The following DNAJC1 variants were observed in gnomAD, a reference collection of about 807,000 sequenced individuals.
DNAJC1 encodes the protein dnaJ homolog subfamily C member 1.
A neutral mutation model predicts 76.6 loss-of-function variants in DNAJC1; 58 were observed. That is an observed-to-expected ratio of 0.76 (90% CI 0.61 to 0.94). The LOEUF is 0.94. Ranked by LOEUF, DNAJC1 falls within the 40% of genes least tolerant of loss-of-function variation. The pLI, the probability that DNAJC1 is intolerant of heterozygous loss-of-function variation, is 0.00. For missense variants in DNAJC1, 689 were observed against 677.3 expected (o/e 1.02, Z -0.19); for synonymous variants, 258 against 267.9 (o/e 0.96, Z 0.36).
intron 1 of DNAJC1, among the ~76,000 whole-genome samples, chr10:21,935,377 G>C (rs1050304423): frequency 6.6e-6 from 1 of 152,154 alleles, no homozygotes; most frequent in South Asian, 2.1e-4. Context: ...CAGCAGGCTT[G>C]AGTAGGCAGA....
intron 8 of DNAJC1, among the ~76,000 whole-genome samples, chr10:21,864,601 G>A (rs1376516373): frequency 1.4e-5 from 2 of 143,640 alleles, no homozygotes; most frequent in African/African-American, 2.7e-5. Flanking sequence ...CAGCCTGGGC[G>A]ACAGAGTGAG....
chr10:21,803,453 T>C (rs1329013288), intron 9 of DNAJC1, among the ~76,000 whole-genome samples: 1 of 152,160 alleles, frequency 6.6e-6, no homozygotes, highest in Non-Finnish European at 1.5e-5. Flanking sequence ...TTTTAAAGTG[T>C]GGTTAACTTT....
chr10:21,988,819 G>A (rs1233754353), intron 1 of DNAJC1, among the ~76,000 whole-genome samples: 2 of 152,140 alleles, frequency 1.3e-5, no homozygotes, highest in East Asian at 3.9e-4. Flanking sequence ...TTTAACTTTA[G>A]GAGGATTAAT....
intron 1 of DNAJC1, among the ~76,000 whole-genome samples, chr10:21,976,311 T>C (rs918084988): frequency 2.0e-5 from 3 of 152,204 alleles, no homozygotes; most frequent in African/African-American, 7.2e-5. Flanking sequence ...GAACATATTG[T>C]AAAATGTTGG....
chr10:21,883,741 T>C (rs1012309562), intron 7 of DNAJC1, among the ~76,000 whole-genome samples: 1 of 152,194 alleles, frequency 6.6e-6, no homozygotes, highest in Admixed American at 6.5e-5. Flanking sequence ...AGCTGCAGTT[T>C]GCTGCTGTTA....
intron 8 of DNAJC1, among the ~76,000 whole-genome samples, chr10:21,832,491 A>G (rs1458120477): frequency 6.6e-6 from 1 of 152,194 alleles, no homozygotes; most frequent in Admixed American, 6.5e-5. Flanking sequence ...TCTCTCTGCC[A>G]AACTATCACC....
chr10:21,977,263 C>T (rs1838081735), intron 1 of DNAJC1, among the ~76,000 whole-genome samples: 1 of 152,048 alleles, frequency 6.6e-6, no homozygotes, highest in Admixed American at 6.6e-5. Context: ...GAAAAAAACA[C>T]ACACACACAC....
At chr10:21,814,826 C>T (rs907067129) in intron 8 of DNAJC1, among the ~76,000 whole-genome samples, 2 of 152,154 alleles carry the variant, frequency 1.3e-5, no homozygotes, top group East Asian at 3.8e-4. Context: ...AAAGTAACCT[C>T]ACAGAAAATG....
intron 8 of DNAJC1, among the ~76,000 whole-genome samples, chr10:21,875,349 T>C (rs544531418): frequency 1.3e-5 from 2 of 152,252 alleles, no homozygotes; most frequent in South Asian, 4.1e-4. Context: ...AGAGATGCAG[T>C]CTTCCTAGGT....
chr10:21,837,528 G>A lies in DNAJC1; in HGVS notation c.979-31429C>T, dbSNP rs575823594. 4.0e-3 allele frequency among the ~76,000 whole-genome samples: 599 copies of A among 150,452 alleles called. 5 individuals carry two copies. Among genetic ancestry groups the A allele is most frequent in the African/African-American group, 0.014 (553 of 40,704 alleles). On this transcript the variant is annotated intron_variant, in intron 8 of 11. Coordinates refer to ENST00000376980, the MANE Select transcript of DNAJC1 (RefSeq NM_022365.4). Reference sequence around the variant, plus strand: ...GGGAGCGCCTCTGCCCCACTGCCCCGTCTGGGATGTGAGGTGCGCCTCTGC... The same window carrying A: ...GGGAGCGCCTCTGCCCCACTGCCCCATCTGGGATGTGAGGTGCGCCTCTGC...
intron 11 of DNAJC1, among the ~76,000 whole-genome samples, chr10:21,758,425 C>T (rs1024969050): frequency 4.6e-5 from 7 of 152,226 alleles, no homozygotes; most frequent in Non-Finnish European, 1.0e-4. Flanking sequence ...AAAGAGGCCG[C>T]CCAAGCCCGG....
At chr10:21,871,288 G>T (rs1170246634) in intron 8 of DNAJC1, among the ~76,000 whole-genome samples, 1 of 149,668 alleles carries the variant, frequency 6.7e-6, no homozygotes, top group African/African-American at 2.5e-5. Context: ...AAAGTTCTGA[G>T]AAGGCGCTAA....
intron 8 of DNAJC1, among the ~76,000 whole-genome samples, chr10:21,827,054 A>G (rs1236113353): frequency 6.6e-6 from 1 of 152,118 alleles, no homozygotes; most frequent in Non-Finnish European, 1.5e-5. Flanking sequence ...TGTCATTTTA[A>G]TAACATTAAG....
chr10:21,804,220 G>C (rs1407696622), intron 9 of DNAJC1, among the ~76,000 whole-genome samples: 1 of 151,894 alleles, frequency 6.6e-6, no homozygotes. Flanking sequence ...GCTTTACTCA[G>C]TTTCCTATCT....
At chr10:21,868,076 C>CAAAAAAAAAA (rs775127374) in intron 8 of DNAJC1, among the ~76,000 whole-genome samples, 3 of 21,180 alleles carry the variant, frequency 1.4e-4, no homozygotes, top group Non-Finnish European at 2.9e-4. Flanking sequence ...ATTCTGTCTC[C>CAAAAAAAAAA]AAAAAAAAAA....
intron 8 of DNAJC1, among the ~76,000 whole-genome samples, chr10:21,857,216 G>T (rs544098221): frequency 1.3e-5 from 2 of 152,280 alleles, no homozygotes; most frequent in South Asian, 4.1e-4. Flanking sequence ...AATGAAGAGG[G>T]TTTGGCATAA....
chr10:21,897,313 C>T (rs952241416), intron 7 of DNAJC1, among the ~76,000 whole-genome samples: 23 of 152,028 alleles, frequency 1.5e-4, no homozygotes, highest in African/African-American at 5.3e-4. Context: ...TGTAATATAT[C>T]GTATTAATAC....
At chr10:21,899,645 T>C (rs1836612997) in intron 7 of DNAJC1, among the ~76,000 whole-genome samples, 1 of 152,184 alleles carries the variant, frequency 6.6e-6, no homozygotes, top group African/African-American at 2.4e-5. Context: ...GACCTCCCTG[T>C]GGGGGCTTCA....
At position 21,915,843 on chromosome 10, in the gene DNAJC1, C is replaced by A. The variant is rs547658700; in HGVS notation, c.729+2936G>T. On this transcript the variant is annotated intron_variant, in intron 6 of 11. Transcript: ENST00000376980. ...TGTCCCACCTAGGGTACCCCCATCT[C>A]CCAAAAAAAAAAAAAAAAGTCTGGC... Among the ~76,000 whole-genome samples the A allele has an allele frequency of 4.0e-5, 6 of 149,682 alleles. No homozygotes were observed. In the South Asian group the frequency reaches 1.0e-3, roughly 26 times the overall value.
Sources: gnomAD v4.1 joint callset for allele counts (sites outside exome capture counted in the v4.1 genomes callset) on GRCh38, gnomAD v4.1.1 for gene constraint, MANE v1.5 for transcripts, NCBI Gene and HGNC (gene_info 2026-07-23, HGNC 2026-07-21) for gene names.